RGS6: variants seen among roughly 807,000 people sequenced by gnomAD.
RGS6 encodes regulator of G protein signaling 6, also known as regulator of G-protein signaling 6.
Under a neutral mutation model 78.5 loss-of-function variants are expected in RGS6, and 30 were observed. The observed-to-expected ratio is 0.38, with a 90% CI of 0.29 to 0.52. The LOEUF (loss-of-function observed/expected upper bound fraction) is 0.52, where lower values mean the gene tolerates loss of function less well. Among genes scored for constraint, RGS6 ranks in the 20% least tolerant of loss-of-function variants. RGS6 has a pLI of 0.85. For missense variants in RGS6, 495 were observed against 609.7 expected (o/e 0.81, Z 1.98); for synonymous variants, 206 against 206.0 (o/e 1.00, Z 0.00).
At chr14:72,472,574 T>C (rs1409944122) in intron 8 of RGS6, among the ~76,000 whole-genome samples, 1 of 152,216 alleles carries the variant, frequency 6.6e-6, no homozygotes, top group Non-Finnish European at 1.5e-5. Flanking sequence ...ATCTTAATAC[T>C]TCAGATGAAC....
chr14:72,396,385 G>A (rs1056803644), intron 3 of RGS6, among the ~76,000 whole-genome samples: 1 of 152,092 alleles, frequency 6.6e-6, no homozygotes, highest in African/African-American at 2.4e-5. Flanking sequence ...TGATGGGGTT[G>A]TTTGTTTTTT....
the RGS6 span, among the ~76,000 whole-genome samples, chr14:72,584,294 A>G: frequency 1.3e-5 from 2 of 152,240 alleles, no homozygotes; most frequent in African/African-American, 4.8e-5. Flanking sequence ...GGGGACAGAC[A>G]GAATGGTGAA....
intron 2 of RGS6, among the ~76,000 whole-genome samples, chr14:72,227,345 G>A (rs976599835): frequency 6.6e-6 from 1 of 152,140 alleles, no homozygotes; most frequent in Non-Finnish European, 1.5e-5. Context: ...GAACTACTGG[G>A]CTCCAGCAAT....
chr14:72,231,836 G>A (rs1600031046), intron 2 of RGS6, among the ~76,000 whole-genome samples: 2 of 152,260 alleles, frequency 1.3e-5, no homozygotes, highest in African/African-American at 4.8e-5. Flanking sequence ...TGTAAGTGAG[G>A]AGGAGAGGGG....
In RGS6 at chr14:72,050,882, G is replaced by T. The variant is rs566718330; in HGVS notation, c.84+86007G>T. Reference sequence around the variant, plus strand: ...GCCTGGATTTTGGTATATGCAACAGGTCCTGGAACCAATCCCCCAAGTGAG... The same window carrying T: ...GCCTGGATTTTGGTATATGCAACAGTTCCTGGAACCAATCCCCCAAGTGAG... On this transcript the variant is annotated intron_variant, in intron 2 of 17. Transcript: ENST00000553525. Among the ~76,000 whole-genome samples the T allele has an allele frequency of 2.0e-5, 3 of 152,272 alleles. No individual in the cohort carries two copies. The East Asian group carries it at 5.8e-4, about 29-fold the overall frequency.
Position 72,477,532 on chromosome 14 carries a change from C to T in RGS6, c.792+692C>T, listed in dbSNP as rs554387654. Among the ~76,000 whole-genome samples, 96 of 151,876 alleles carry T rather than the reference C, an allele frequency of 6.3e-4. 1 individual carries two copies. The highest frequency in any genetic ancestry group is 2.2e-3 in the African/African-American group (90 of 41,436). Reference sequence around the variant, plus strand: ...GCGGGGCTCGGGGCTCGGTGGCCCACACCTGTAATCCCAGCACTTTGTGAG... The same window carrying T: ...GCGGGGCTCGGGGCTCGGTGGCCCATACCTGTAATCCCAGCACTTTGTGAG... On this transcript the variant is annotated intron_variant, in intron 11 of 17. Transcript: ENST00000553525.
intron 2 of RGS6, among the ~76,000 whole-genome samples, chr14:72,316,618 T>C (rs996682472): frequency 1.3e-5 from 2 of 152,228 alleles, no homozygotes; most frequent in Non-Finnish European, 2.9e-5. Flanking sequence ...TGCCACATTT[T>C]CTTAATCCAG....
chr14:72,540,006 A>G (rs1015359047), intron 16 of RGS6, 35 bp from the exon 17 acceptor site: 3 of 1,508,402 alleles, frequency 2.0e-6, no homozygotes, highest in African/African-American at 1.5e-5. Flanking sequence ...TTTTTTCTGT[A>G]TTTTTCTCCC....
At chr14:71,900,654 T>C in the RGS6 span, among the ~76,000 whole-genome samples, 2 of 152,210 alleles carry the variant, frequency 1.3e-5, 1 homozygote, top group South Asian at 4.1e-4. Context: ...AATCTTTGGT[T>C]CCTTCACTTC....
At chr14:72,330,436 C>T (rs1595882240) in intron 2 of RGS6, among the ~76,000 whole-genome samples, 1 of 152,152 alleles carries the variant, frequency 6.6e-6, no homozygotes, top group African/African-American at 2.4e-5. Flanking sequence ...TCTCGAGAAC[C>T]AGCAGCACCC....
chr14:72,349,099 A>G (rs2681748), intron 2 of RGS6, among the ~76,000 whole-genome samples: 89,669 of 152,068 alleles, frequency 0.59, 28,489 homozygotes, highest in African/African-American at 0.84. Context: ...CCTGGGAGGT[A>G]GAGCTTGCAG....
intron 2 of RGS6, among the ~76,000 whole-genome samples, chr14:72,337,003 A>G (rs1351441298): frequency 1.3e-5 from 2 of 152,166 alleles, no homozygotes; most frequent in Admixed American, 6.5e-5. Flanking sequence ...TAAAGGCCCT[A>G]TTTCCAAATG....
rs188793586 is a variant in RGS6, at chr14:72,409,375, T to A, written c.185-45153T>A. ...ATTTGTTAGAGTAGAAAGTCCCTAG[T>A]TAGAGGTTAGTTGGAGGTTTCTGAT... On this transcript the variant is annotated intron_variant, in intron 3 of 17. Coordinates refer to ENST00000553525, the MANE Select transcript of RGS6 (RefSeq NM_001204424.2). Among the ~76,000 whole-genome samples, 7 of 152,282 alleles carry A rather than the reference T, an allele frequency of 4.6e-5. No homozygotes were observed. The East Asian group carries it at 1.4e-3, about 29-fold the overall frequency.
rs539249693 is a variant in RGS6, at chr14:72,091,790, A to G, written c.84+126915A>G. Among the ~76,000 whole-genome samples, 10 of 152,306 alleles carry G rather than the reference A, an allele frequency of 6.6e-5. No individual in the cohort carries two copies. The South Asian group carries it at 2.1e-3, about 32-fold the overall frequency. ...CAGATGTACTCACTTCATGGGAACC[A>G]AATCACATTTAACTGCTCTCCAGCT... is the stretch of plus-strand genomic sequence containing the variant. On this transcript the variant is annotated intron_variant, in intron 2 of 17. Coordinates refer to ENST00000553525, the MANE Select transcript of RGS6 (RefSeq NM_001204424.2).
chr14:72,027,187 C>A (rs72735991), intron 2 of RGS6, among the ~76,000 whole-genome samples: 19,706 of 151,758 alleles, frequency 0.13, 1,327 homozygotes, highest in East Asian at 0.17. Flanking sequence ...GGCAGGAAAC[C>A]ACCCAGGGAA....
chr14:71,983,633 G>C (rs756510651), intron 2 of RGS6, among the ~76,000 whole-genome samples: 2 of 152,220 alleles, frequency 1.3e-5, no homozygotes, highest in East Asian at 3.9e-4. Flanking sequence ...CCTGGTCTTC[G>C]CCTTTGTCCT....
At chr14:72,290,823 C>T (rs1245727495) in intron 2 of RGS6, among the ~76,000 whole-genome samples, 1 of 152,198 alleles carries the variant, frequency 6.6e-6, no homozygotes, top group African/African-American at 2.4e-5. Context: ...CCCTTCATGG[C>T]TGGGTTGAAT....
intron 2 of RGS6, among the ~76,000 whole-genome samples, chr14:72,233,308 T>A (rs902435195): frequency 1.3e-4 from 20 of 152,306 alleles, no homozygotes; most frequent in African/African-American, 4.6e-4. Flanking sequence ...TGGGTATTTC[T>A]TGGGGGCTGG....
intron 1 of RGS6, among the ~76,000 whole-genome samples, chr14:71,943,259 G>A (rs371931041): frequency 3.3e-5 from 5 of 152,070 alleles, no homozygotes; most frequent in African/African-American, 9.7e-5. Flanking sequence ...TAGTTTTCTC[G>A]TCTGTGAAAG....
Sources: allele counts gnomAD v4.1 joint callset (sites outside exome capture counted in the v4.1 genomes callset), GRCh38; gene constraint gnomAD v4.1.1; transcripts MANE v1.5; gene names NCBI Gene and HGNC (gene_info 2026-07-23, HGNC 2026-07-21).